The following SNAPC1 variants were observed in gnomAD, a reference collection of about 807,000 sequenced individuals.
SNAPC1 encodes snRNA-activating protein complex subunit 1.
SNAPC1 carries 42 observed loss-of-function variants against 50.1 expected under a neutral mutation model. That is an observed-to-expected ratio of 0.84 (90% CI 0.65 to 1.08). SNAPC1 has a LOEUF of 1.08. Ranked by LOEUF, SNAPC1 falls within the 50% of genes least tolerant of loss-of-function variation. The pLI is 0.00. For missense variants in SNAPC1, 477 were observed against 427.3 expected, an observed-to-expected ratio of 1.12 and a Z score of -1.02; for synonymous variants, 164 against 144.2, an observed-to-expected ratio of 1.14 and a Z score of -0.98.
intron 8 of SNAPC1, 62 bp downstream of exon 8, chr14:61,782,459 C>T: frequency 2.3e-6 from 3 of 1,326,758 alleles, no homozygotes; most frequent in Non-Finnish European, 3.1e-6. Flanking sequence ...TACAACTTTG[C>T]CTCATGTTTA....
chr14:61,787,808 A>G (rs1340139685), intron 8 of SNAPC1, among the ~76,000 whole-genome samples: 1 of 152,228 alleles, frequency 6.6e-6, no homozygotes, highest in Non-Finnish European at 1.5e-5. Context: ...TTCTCAGGCC[A>G]TATTTAGTTC....
intron 6 of SNAPC1, among the ~76,000 whole-genome samples, chr14:61,778,376 A>G (rs1431145627): frequency 6.6e-6 from 1 of 152,246 alleles, no homozygotes; most frequent in Non-Finnish European, 1.5e-5. Flanking sequence ...AAGTGCCCTC[A>G]GTTCGTAGAG....
At chr14:61,767,061 T>G (rs1489566669) in intron 2 of SNAPC1, 26 bp downstream of exon 2, 2 of 1,420,860 alleles carry the variant, frequency 1.4e-6, no homozygotes, top group African/African-American at 2.9e-5. Flanking sequence ...TTATTTTTCC[T>G]TAGCAGAAAT....
intron 1 of SNAPC1, among the ~76,000 whole-genome samples, chr14:61,766,549 A>G (rs1162648016): frequency 1.3e-5 from 2 of 152,256 alleles, no homozygotes; most frequent in African/African-American, 2.4e-5. Flanking sequence ...GCAATTGTAT[A>G]TTAAAATGCA....
At chr14:61,785,931 CT>C (rs1247145344) in intron 8 of SNAPC1, among the ~76,000 whole-genome samples, 1 of 151,902 alleles carries the variant, frequency 6.6e-6, no homozygotes, top group Non-Finnish European at 1.5e-5. Context: ...TGACTTTTCC[CT>C]TTAGCTTAGT....
chr14:61,791,049 C>T (rs1011931279), intron 8 of SNAPC1, among the ~76,000 whole-genome samples: 6 of 152,144 alleles, frequency 3.9e-5, no homozygotes, highest in African/African-American at 9.7e-5. Context: ...CTTGCTCTGT[C>T]GCCCAGAGCT....
At position 61,782,300 on chromosome 14, in the gene SNAPC1, T is replaced by G; in HGVS notation, c.879T>G (p.Asp293Glu). 6.2e-7 allele frequency: 1 copy of G among 1,612,894 alleles called. No individual in the cohort carries two copies. The highest frequency in any genetic ancestry group is 8.5e-7 in the Non-Finnish European group (1 of 1,179,456). The part of the protein sequence containing the change: ...RQVKLDSSDS[D>E]SASGQGQVKA... Reference sequence around the variant, plus strand: ...TCAAACTCGACTCTTCTGACTCTGATTCTGCATCTGGTCAAGGGCAAGTCA... The same window carrying G: ...TCAAACTCGACTCTTCTGACTCTGAGTCTGCATCTGGTCAAGGGCAAGTCA... Residue 293 changes from aspartate to glutamate, a missense_variant, in exon 8 of 10, where the codon GAT (aspartate) becomes GAG (glutamate). By Grantham distance (45) the Asp-to-Glu change is conservative. Coordinates refer to ENST00000216294, the MANE Select transcript of SNAPC1 (RefSeq NM_003082.4).
At chr14:61,782,792 G>A (rs1272028870) in intron 8 of SNAPC1, among the ~76,000 whole-genome samples, 1 of 151,998 alleles carries the variant, frequency 6.6e-6, no homozygotes, top group East Asian at 2.0e-4. Context: ...TGTAATCCCA[G>A]CTACTTGGGA....
At chr14:61,794,363 T>G (rs1323025168) in intron 9 of SNAPC1, among the ~76,000 whole-genome samples, 1 of 152,200 alleles carries the variant, frequency 6.6e-6, no homozygotes, top group Admixed American at 6.5e-5. Context: ...GAGATCTTAC[T>G]ACCTTAATGG....
chr14:61,771,112 A>G (rs1182143299), intron 4 of SNAPC1, among the ~76,000 whole-genome samples: 1 of 152,180 alleles, frequency 6.6e-6, no homozygotes, highest in African/African-American at 2.4e-5. Context: ...ATGTCCCCCA[A>G]AAAGGTTAAG....
chr14:61,794,265 T>A (rs528646172), intron 9 of SNAPC1, among the ~76,000 whole-genome samples: 25 of 152,312 alleles, frequency 1.6e-4, no homozygotes, highest in African/African-American at 6.0e-4. Flanking sequence ...TGTACCCATA[T>A]GAAACAACTT....
chr14:61,775,326 G>T (rs906722642), intron 4 of SNAPC1, among the ~76,000 whole-genome samples: 5 of 151,648 alleles, frequency 3.3e-5, no homozygotes, highest in Admixed American at 1.3e-4. Flanking sequence ...TTCAATCTTG[G>T]CTCACTGCAA....
At chr14:61,789,038 C>T (rs933112269) in intron 8 of SNAPC1, among the ~76,000 whole-genome samples, 4 of 152,250 alleles carry the variant, frequency 2.6e-5, no homozygotes, top group Admixed American at 6.5e-5. Context: ...CAAAACCAGC[C>T]TGGCCAATAT....
At chr14:61,789,362 G>A (rs765292674) in intron 8 of SNAPC1, among the ~76,000 whole-genome samples, 9 of 151,844 alleles carry the variant, frequency 5.9e-5, no homozygotes, top group East Asian at 3.9e-4. Context: ...GTATGATCTC[G>A]TTTCTATTAA....
At chr14:61,771,033 C>G (rs1028051637) in intron 4 of SNAPC1, among the ~76,000 whole-genome samples, 8 of 152,136 alleles carry the variant, frequency 5.3e-5, no homozygotes, top group Admixed American at 4.6e-4. Flanking sequence ...TGAGCCACCC[C>G]ACCCAGCTCA....
chr14:61,778,165 T>A, intron 6 of SNAPC1, 25 bp downstream of exon 6: 1 of 1,420,734 alleles, frequency 7.0e-7, no homozygotes, highest in South Asian at 1.2e-5. Flanking sequence ...CAATTCATAT[T>A]ATGTGTGGCT....
At chr14:61,794,837 A>C in intron 9 of SNAPC1, 112 bp from the exon 10 acceptor site, 1 of 751,864 alleles carries the variant, frequency 1.3e-6, no homozygotes. Flanking sequence ...ACGTCTATGT[A>C]GTTGAAATGT....
chr14:61,772,153 G>T (rs2044995951), intron 4 of SNAPC1, among the ~76,000 whole-genome samples: 1 of 152,102 alleles, frequency 6.6e-6, no homozygotes, highest in Non-Finnish European at 1.5e-5. Context: ...CTGGAGCGCA[G>T]TAGGGTGATC....
intron 9 of SNAPC1, 32 bp from the exon 10 acceptor site, chr14:61,794,917 A>G: frequency 1.3e-6 from 2 of 1,510,228 alleles, no homozygotes; most frequent in South Asian, 1.2e-5. Flanking sequence ...TTGTTTTTAG[A>G]TCTGACTGAC....
Sources: gnomAD v4.1 joint callset for allele counts (sites outside exome capture counted in the v4.1 genomes callset) on GRCh38, gnomAD v4.1.1 for gene constraint, MANE v1.5 for transcripts, NCBI Gene and HGNC (gene_info 2026-07-23, HGNC 2026-07-21) for gene names.